Variants in CSMD2 observed in about 807,000 individuals in gnomAD.
CSMD2 encodes the protein CUB and Sushi multiple domains 2.
CSMD2 carries 130 observed loss-of-function variants against 398.5 expected under a neutral mutation model. That is an observed-to-expected ratio of 0.33 (90% confidence interval 0.28 to 0.38). CSMD2 has a LOEUF of 0.38. Ranked by LOEUF, CSMD2 falls within the 10% of genes least tolerant of loss-of-function variation. The pLI is 1.00. For synonymous variants in CSMD2, 1,828 were observed against 1,908.5 expected, an observed-to-expected ratio of 0.96 and a Z score of 1.10; for missense variants, 3,829 against 4,764.9, an observed-to-expected ratio of 0.80 and a Z score of 5.78.
intron 13 of CSMD2, among the ~76,000 whole-genome samples, chr1:33,757,225 T>G (rs1363351506): frequency 6.6e-6 from 1 of 152,026 alleles, no homozygotes; most frequent in African/African-American, 2.4e-5. Flanking sequence ...AGTTAATGGG[T>G]GCAGCACACC....
intron 5 of CSMD2, among the ~76,000 whole-genome samples, chr1:33,855,574 A>G (rs990638881): frequency 1.3e-5 from 2 of 152,130 alleles, no homozygotes; most frequent in African/African-American, 4.8e-5. Flanking sequence ...ATCCTCCAGG[A>G]GTCAGTCTGA....
Position 33,515,329 on chromosome 1 carries a change from A to G in CSMD2, c.*1295T>C. ...CTGGGGAGTTGAATCCTTGCCCCGA[A>G]GCTGCCTACGCGGAGACAGCAGAAC... On this transcript the variant is annotated 3_prime_UTR_variant, in exon 71 of 71. Transcript: ENST00000373381. 6.6e-6 allele frequency: 1 copy of G among 152,366 alleles called. No homozygotes were observed. Among genetic ancestry groups the G allele is most frequent in the Non-Finnish European group, 1.5e-5 (1 of 68,068 alleles). 9.4% of individuals were successfully genotyped at this position (152,366 alleles called of 1,614,324 possible).
At chr1:33,832,732 A>G (rs1454566354) in intron 6 of CSMD2, among the ~76,000 whole-genome samples, 1 of 151,226 alleles carries the variant, frequency 6.6e-6, no homozygotes, top group Non-Finnish European at 1.5e-5. Context: ...TGAAAGGATC[A>G]ACAAAATTGA....
intron 21 of CSMD2, chr1:33,709,534 G>A: frequency 4.2e-6 from 2 of 479,924 alleles, no homozygotes; most frequent in South Asian, 1.0e-4. Flanking sequence ...AACCCACCAG[G>A]CATCCTTTAC....
intron 5 of CSMD2, chr1:33,878,420 C>A (rs1176000427): frequency 6.6e-6 from 1 of 152,280 alleles, no homozygotes; most frequent in African/African-American, 2.4e-5. Context: ...CAACATGGGC[C>A]TCCCTTGAGC....
chr1:33,864,028 TC>T (rs1639760407), intron 5 of CSMD2: 1 of 641,884 alleles, frequency 1.6e-6, no homozygotes, highest in African/African-American at 1.8e-5. Flanking sequence ...CTCCTCTGAC[TC>T]AACAATGCCA....
chr1:33,697,348 A>AT (rs1645453116), intron 24 of CSMD2, among the ~76,000 whole-genome samples: 1 of 152,082 alleles, frequency 6.6e-6, no homozygotes, highest in African/African-American at 2.4e-5. Flanking sequence ...GAGGGGAGAT[A>AT]TAAAAAGAGA....
At chr1:34,151,814 T>TCCCTCC (rs1553121716) in intron 1 of CSMD2, among the ~76,000 whole-genome samples, 17 of 86,718 alleles carry the variant, frequency 2.0e-4, no homozygotes, top group South Asian at 8.9e-4. Flanking sequence ...CCTCCCTCCC[T>TCCCTCC]CCCCCCCCTT....
intron 70 of CSMD2, among the ~76,000 whole-genome samples, chr1:33,517,447 A>C (rs1557468206): frequency 6.6e-6 from 1 of 152,222 alleles, no homozygotes; most frequent in Non-Finnish European, 1.5e-5. Context: ...GGTCAGCGGC[A>C]TTCTTGTTTC....
intron 46 of CSMD2, among the ~76,000 whole-genome samples, chr1:33,585,495 C>G (rs1390421379): frequency 6.6e-6 from 1 of 152,148 alleles, no homozygotes; most frequent in Non-Finnish European, 1.5e-5. Context: ...ACTGACTTTT[C>G]CCAATAGAGC....
chr1:34,140,826 T>A (rs946662356), intron 1 of CSMD2, among the ~76,000 whole-genome samples: 1 of 152,080 alleles, frequency 6.6e-6, no homozygotes, highest in Non-Finnish European at 1.5e-5. Flanking sequence ...GGGTGACTTA[T>A]AAGTTTTTCA....
intron 25 of CSMD2, among the ~76,000 whole-genome samples, chr1:33,684,546 T>C (rs1452752994): frequency 6.6e-6 from 1 of 152,208 alleles, no homozygotes; most frequent in East Asian, 1.9e-4. Flanking sequence ...CTTTTGAATA[T>C]AACCAGGATC....
chr1:33,983,094 C>T (rs1175594577), intron 3 of CSMD2, among the ~76,000 whole-genome samples: 1 of 152,148 alleles, frequency 6.6e-6, no homozygotes, highest in East Asian at 1.9e-4. Flanking sequence ...CAGAGCCTCC[C>T]ATTGCCAGCC....
intron 21 of CSMD2, chr1:33,709,520 C>G: frequency 4.1e-6 from 2 of 489,048 alleles, no homozygotes; most frequent in Non-Finnish European, 7.1e-6. Context: ...CAGAAACAGA[C>G]GCTAACCCAC....
At chr1:33,613,417 A>G (rs950662807) in intron 40 of CSMD2, among the ~76,000 whole-genome samples, 1 of 152,148 alleles carries the variant, frequency 6.6e-6, no homozygotes, top group African/African-American at 2.4e-5. Flanking sequence ...GTCTCCTAAG[A>G]CTGCCGAGGG....
intron 36 of CSMD2, 47 bp from the exon 37 acceptor site, chr1:33,622,318 G>A (rs1179660238): frequency 5.0e-6 from 7 of 1,401,606 alleles, no homozygotes; most frequent in Non-Finnish European, 6.1e-6. Flanking sequence ...GGCTCCTCCA[G>A]GCCCTTGCAT....
intron 5 of CSMD2, among the ~76,000 whole-genome samples, chr1:33,894,271 T>A (rs898343716): frequency 1.3e-5 from 2 of 152,116 alleles, no homozygotes; most frequent in Non-Finnish European, 2.9e-5. Context: ...CACGTACACC[T>A]GTAGCAGGTG....
chr1:33,873,207 C>T (rs562979018), intron 5 of CSMD2, among the ~76,000 whole-genome samples: 14 of 152,230 alleles, frequency 9.2e-5, no homozygotes, highest in South Asian at 2.1e-4. Context: ...GGTGCTCCCA[C>T]GGGAGGAGAT....
At chr1:33,767,455 T>G (rs1300252665) in intron 13 of CSMD2, among the ~76,000 whole-genome samples, 1 of 152,174 alleles carries the variant, frequency 6.6e-6, no homozygotes, top group Non-Finnish European at 1.5e-5. Context: ...CGTCTAGAGA[T>G]AGAGTTACAG....
Sources: allele counts gnomAD v4.1 joint callset (sites outside exome capture counted in the v4.1 genomes callset), GRCh38; gene constraint gnomAD v4.1.1; transcripts MANE v1.5; gene names NCBI Gene and HGNC (gene_info 2026-07-23, HGNC 2026-07-21).